Variants in SENP1 observed in about 807,000 individuals in gnomAD.
The protein encoded by SENP1 is sentrin-specific protease 1.
In SENP1, 21 loss-of-function variants were observed where a neutral mutation model predicts 93.0. That is an observed-to-expected ratio of 0.23 (90% CI 0.16 to 0.33). The LOEUF is 0.33. SENP1 is among the 10% of genes least tolerant of loss of function. The pLI is 1.00. For missense variants in SENP1, 591 were observed against 758.7 expected (o/e 0.78, Z 2.60); for synonymous variants, 256 against 259.6 (o/e 0.99, Z 0.13).
chr12:48,048,672 C>G (rs1197719376), intron 14 of SENP1, among the ~76,000 whole-genome samples: 1 of 152,122 alleles, frequency 6.6e-6, no homozygotes, highest in Admixed American at 6.5e-5. Flanking sequence ...TCCCCCATGC[C>G]TTCCTTTAAG....
intron 1 of SENP1, 137 bp downstream of exon 1, chr12:48,105,891 G>A (rs770317826): frequency 2.1e-4 from 130 of 619,600 alleles, no homozygotes; most frequent in Non-Finnish European, 3.2e-4. Flanking sequence ...GGGCGGGGCA[G>A]AGGAAAAGGC....
chr12:48,075,410 G>GA (rs1565777533), intron 6 of SENP1, among the ~76,000 whole-genome samples: 2 of 151,956 alleles, frequency 1.3e-5, no homozygotes, highest in East Asian at 1.9e-4. Context: ...AAGAGTCCCA[G>GA]AAAAAAAGGG....
At chr12:48,093,054 A>C (rs1480656375) in intron 4 of SENP1, among the ~76,000 whole-genome samples, 1 of 152,216 alleles carries the variant, frequency 6.6e-6, no homozygotes, top group Non-Finnish European at 1.5e-5. Context: ...CAAATGCTTG[A>C]GTCCAGTTCT....
At chr12:48,045,633 G>T (rs1941310056) in intron 17 of SENP1, among the ~76,000 whole-genome samples, 1 of 152,032 alleles carries the variant, frequency 6.6e-6, no homozygotes, top group Non-Finnish European at 1.5e-5. Flanking sequence ...CTATGCCCAC[G>T]TCTCTAAGAA....
intron 13 of SENP1, among the ~76,000 whole-genome samples, chr12:48,056,361 TTAATA>T (rs1260678128): frequency 1.5e-4 from 18 of 118,046 alleles, no homozygotes; most frequent in African/African-American, 6.2e-4. Context: ...AATATATTAT[TTAATA>T]TATTACATAT....
intron 6 of SENP1, among the ~76,000 whole-genome samples, chr12:48,079,747 A>G (rs1379223973): frequency 2.1e-5 from 3 of 145,632 alleles, no homozygotes; most frequent in East Asian, 3.9e-4. Context: ...TAAAACTTTA[A>G]TAGAGAGCAC....
chr12:48,065,163 G>A lies in SENP1; in HGVS notation c.1177C>T (p.Pro393Ser). ...GTAACAGGAATCTCCTTTTCAAGAGGTACACGAAGATGTAGTTCTACTGAA... is the reference window on the plus strand; with the variant it reads ...GTAACAGGAATCTCCTTTTCAAGAGATACACGAAGATGTAGTTCTACTGAA... ...HDSVELHLRV[P>S]LEKEIPVTVV... Residue 393 changes from proline (P) to serine (S), a missense_variant, in exon 12 of 18, where the codon CCT becomes TCT. By Grantham distance (74) the Pro-to-Ser change is moderately conservative. Coordinates refer to ENST00000549518, the MANE Select transcript of SENP1 (RefSeq NM_001267594.2). 1 of 1,608,604 alleles carries A rather than the reference G, an allele frequency of 6.2e-7. No individual in the cohort carries two copies. The highest frequency in any genetic ancestry group is 8.5e-7 in the Non-Finnish European group (1 of 1,175,356).
chr12:48,043,217 A>G lies in SENP1; in HGVS notation c.*2105T>C, dbSNP rs1488950542. On this transcript the variant is annotated 3_prime_UTR_variant, in exon 18 of 18. Coordinates refer to ENST00000549518, the MANE Select transcript of SENP1 (RefSeq NM_001267594.2). ...TCAGACAGGCTCAACAATTCCTTAT[A>G]TATTTTTCAAAGTGCTTTTGTTGCA... 2 of 152,608 alleles carry G rather than the reference A, an allele frequency of 1.3e-5. No homozygotes were observed. Among genetic ancestry groups the G allele is most frequent in the African/African-American group, 2.4e-5 (1 of 41,440 alleles). The allele number at this position is 152,608 out of a possible 1,614,324, so 9.5% of individuals were successfully genotyped here.
At chr12:48,105,270 C>T in intron 1 of SENP1, 1 of 426,088 alleles carries the variant, frequency 2.3e-6, no homozygotes, top group East Asian at 5.8e-5. Flanking sequence ...CAAGTTACTG[C>T]TAACAAGATA....
intron 8 of SENP1, among the ~76,000 whole-genome samples, chr12:48,073,500 C>T (rs1943860164): frequency 6.6e-6 from 1 of 151,754 alleles, no homozygotes; most frequent in Non-Finnish European, 1.5e-5. Flanking sequence ...GATGTTTAAC[C>T]ATTTAACCTA....
In SENP1 at chr12:48,052,401, C is replaced by T. The variant is rs563053223; in HGVS notation, c.1408-3269G>A. Among the ~76,000 whole-genome samples, 54 of 152,300 alleles carry T rather than the reference C, an allele frequency of 3.5e-4. No individual in the cohort carries two copies. The South Asian group carries it at 0.011, about 32-fold the overall frequency. On this transcript the variant is annotated intron_variant, in intron 13 of 17. Transcript: ENST00000549518. ...AATGTTCTAAAAGGCCTGGGCATGACAATACTTCTGAGCAGAGATCAAGAC... is the reference window on the plus strand; with the variant it reads ...AATGTTCTAAAAGGCCTGGGCATGATAATACTTCTGAGCAGAGATCAAGAC...
chr12:48,051,449 T>C (rs12310743), intron 13 of SENP1, among the ~76,000 whole-genome samples: 1 of 152,182 alleles, frequency 6.6e-6, no homozygotes, highest in Non-Finnish European at 1.5e-5. Flanking sequence ...AGAAGGGAGT[T>C]TGGTGACCTC....
At chr12:48,058,247 A>G (rs1942713970) in intron 13 of SENP1, among the ~76,000 whole-genome samples, 1 of 152,092 alleles carries the variant, frequency 6.6e-6, no homozygotes, top group African/African-American at 2.4e-5. Context: ...CACTCGGCCC[A>G]TTTTACTTTT....
intron 1 of SENP1, among the ~76,000 whole-genome samples, chr12:48,104,581 C>G (rs1037954310): frequency 2.0e-5 from 3 of 152,228 alleles, no homozygotes; most frequent in African/African-American, 7.2e-5. Context: ...TACTGTGCAC[C>G]GACTACGTGC....
chr12:48,083,195 T>A (rs1029159105), intron 6 of SENP1, among the ~76,000 whole-genome samples: 2 of 152,152 alleles, frequency 1.3e-5, no homozygotes, highest in Non-Finnish European at 2.9e-5. Flanking sequence ...ATGAGCCACG[T>A]CACGTGGACT....
chr12:48,049,761 C>T (rs1053701267), intron 13 of SENP1, among the ~76,000 whole-genome samples: 1 of 152,146 alleles, frequency 6.6e-6, no homozygotes, highest in Non-Finnish European at 1.5e-5. Context: ...GGAAAAACAC[C>T]TGTAAACTGA....
intron 4 of SENP1, chr12:48,089,188 C>T: frequency 6.6e-7 from 1 of 1,513,408 alleles, no homozygotes; most frequent in Non-Finnish European, 8.9e-7. Context: ...GGAGCTGAAT[C>T]CTGCCACAGC....
chr12:48,061,253 T>C (rs1367285032), intron 13 of SENP1, among the ~76,000 whole-genome samples: 1 of 152,140 alleles, frequency 6.6e-6, no homozygotes, highest in Non-Finnish European at 1.5e-5. Context: ...GTCACCTATT[T>C]TGGAGAAAGT....
At chr12:48,075,612 A>C (rs1201599692) in intron 6 of SENP1, among the ~76,000 whole-genome samples, 1 of 152,330 alleles carries the variant, frequency 6.6e-6, no homozygotes, top group East Asian at 1.9e-4. Context: ...AAGACCCAAT[A>C]CTACATTTAG....
Sources: gnomAD v4.1 joint callset for allele counts (sites outside exome capture counted in the v4.1 genomes callset) on GRCh38, gnomAD v4.1.1 for gene constraint, MANE v1.5 for transcripts, NCBI Gene and HGNC (gene_info 2026-07-23, HGNC 2026-07-21) for gene names.